The following ZP3 variants were observed in gnomAD, a reference collection of about 807,000 sequenced individuals.
ZP3 encodes zona pellucida sperm-binding protein 3.
In ZP3, 21 loss-of-function variants were observed where a neutral mutation model predicts 35.6. The ratio of observed to expected loss-of-function variants is 0.59; its 90% CI spans 0.42 to 0.85. The LOEUF is 0.85. ZP3 is among the 40% of genes least tolerant of loss of function. The pLI is 0.00. For synonymous variants in ZP3, 207 were observed against 214.5 expected (o/e 0.96, Z 0.31); for missense variants, 437 against 536.5 (o/e 0.81, Z 1.83).
intron 1 of ZP3, among the ~76,000 whole-genome samples, chr7:76,419,192 T>C (rs978890741): frequency 1.3e-5 from 2 of 152,218 alleles, no homozygotes; most frequent in Middle Eastern, 6.3e-3. Context: ...GAAAGTGGTC[T>C]AAAAAGTCAC....
upstream of ZP3, among the ~76,000 whole-genome samples, chr7:76,423,041 A>AAGAG (rs1563695508): frequency 8.7e-6 from 1 of 114,840 alleles, no homozygotes. Context: ...GAAAGAAAGA[A>AAGAG]AGAAAGAAAG....
At chr7:76,414,374 T>C (rs1389286888) in intron 1 of ZP3, among the ~76,000 whole-genome samples, 1 of 152,120 alleles carries the variant, frequency 6.6e-6, no homozygotes, top group African/African-American at 2.4e-5. Context: ...GATAAATGGA[T>C]TCTGACAAGT....
chr7:76,417,208 C>A (rs1033955819), intron 1 of ZP3, among the ~76,000 whole-genome samples: 1 of 151,948 alleles, frequency 6.6e-6, no homozygotes, highest in Non-Finnish European at 1.5e-5. Flanking sequence ...CAGGCATGCA[C>A]CACCATGCCC....
At chr7:76,407,826 G>A (rs1047905781) in intron 1 of ZP3, among the ~76,000 whole-genome samples, 4 of 152,182 alleles carry the variant, frequency 2.6e-5, no homozygotes, top group East Asian at 1.9e-4. Flanking sequence ...CCTCTCTCAC[G>A]TCCCCTTTTC....
chr7:76,416,816 C>CTATA (rs1554623880), intron 1 of ZP3, among the ~76,000 whole-genome samples: 3,897 of 143,690 alleles, frequency 0.027, 88 homozygotes, highest in Middle Eastern at 0.043. Context: ...CTCTCTCTCT[C>CTATA]TATATATATA....
upstream of ZP3, among the ~76,000 whole-genome samples, chr7:76,421,024 C>T (rs533580033): frequency 1.3e-5 from 2 of 151,950 alleles, no homozygotes; most frequent in Admixed American, 6.6e-5. Context: ...CAACCTCCAC[C>T]TCCCAGGTTC....
intron 5 of ZP3, chr7:76,439,889 C>A: frequency 8.5e-6 from 2 of 236,078 alleles, no homozygotes; most frequent in Non-Finnish European, 1.7e-5. Context: ...ACTCTGTCAG[C>A]CAGGCTGGGG....
intron 1 of ZP3, among the ~76,000 whole-genome samples, chr7:76,410,313 G>A (rs1805207721): frequency 6.6e-6 from 1 of 150,910 alleles, no homozygotes; most frequent in Non-Finnish European, 1.5e-5. Context: ...TTACAGGTGT[G>A]AGCCACCGCA....
Position 76,429,653 on chromosome 7 carries a change from A to G in ZP3, c.431+20A>G. The G allele has an allele frequency of 1.2e-6, 2 of 1,602,454 alleles. No homozygotes were observed. Among genetic ancestry groups the G allele is most frequent in the Non-Finnish European group, 1.7e-6 (2 of 1,170,136 alleles). On this transcript the variant is annotated intron_variant, in intron 2 of 7. Transcript: ENST00000394857. ...CCCCAGGTCGGTGTGGGACTGACTC[A>G]TGGCCCCTGGTGCAAAAGCCCCTTG...
rs188704513 is a variant in ZP3, at chr7:76,402,731, G to A, written c.-67+4934G>A. Among the ~76,000 whole-genome samples the A allele has an allele frequency of 8.5e-5, 13 of 152,106 alleles. No homozygotes were observed. In the East Asian group the frequency reaches 2.3e-3, roughly 27 times the overall value. ...GTTGCCCAGGCTAGAGTGCAATGGTGCCATCTTTGCTCACCGCAACCTCCC... is the reference window on the plus strand; with the variant it reads ...GTTGCCCAGGCTAGAGTGCAATGGTACCATCTTTGCTCACCGCAACCTCCC... On this transcript the variant is annotated intron_variant, in intron 1 of 8. Coordinates refer to the ZP3 transcript ENST00000336517.
At chr7:76,437,806 T>C (rs1307875246) in intron 5 of ZP3, among the ~76,000 whole-genome samples, 7 of 152,064 alleles carry the variant, frequency 4.6e-5, no homozygotes, top group African/African-American at 1.4e-4. Flanking sequence ...GCCTAGACCC[T>C]GCTTCTAAAA....
chr7:76,417,898 G>A (rs1458359929), intron 1 of ZP3, among the ~76,000 whole-genome samples: 1 of 151,262 alleles, frequency 6.6e-6, no homozygotes, highest in Non-Finnish European at 1.5e-5. Context: ...ACAGGCATGA[G>A]CCACCATGTC....
At position 76,403,959 on chromosome 7, in the gene ZP3, G is replaced by C. The variant is rs144003120; in HGVS notation, c.-67+6162G>C. Among the ~76,000 whole-genome samples the C allele has an allele frequency of 5.3e-3, 804 of 152,148 alleles. 3 individuals are homozygous for C. Among genetic ancestry groups the C allele is most frequent in the Middle Eastern group, 0.01 (3 of 294 alleles). On this transcript the variant is annotated intron_variant, in intron 1 of 8. Transcript: ENST00000336517. ...ATTGCAGGTGTGAGTCACCGAGCCC[G>C]GCCTTCTTCTTATGTTTGGATAGTC...
rs143512983 is a variant in ZP3, at chr7:76,427,223, T to C, written c.312+1947T>C. ...GTTTCCCAGTTTTGCCCGGTGAGAA[T>C]CACCTGCGGCTGGCCGTGCGCAGTG... On this transcript the variant is annotated intron_variant, in intron 1 of 7. Coordinates refer to ENST00000394857, the MANE Select transcript of ZP3 (RefSeq NM_001110354.2). 1.2e-4 allele frequency among the ~76,000 whole-genome samples: 18 copies of C among 152,136 alleles called. No homozygotes were observed. In the East Asian group the frequency reaches 3.3e-3, roughly 28 times the overall value.
chr7:76,401,145 C>T (rs1685371095), intron 1 of ZP3: 1 of 1,403,464 alleles, frequency 7.1e-7, no homozygotes, highest in Non-Finnish European at 9.4e-7. Context: ...ACATTACCCC[C>T]ATCTTCTTGG....
At chr7:76,424,327 A>G (rs918961604), upstream of ZP3, among the ~76,000 whole-genome samples, 1 of 152,186 alleles carries the variant, frequency 6.6e-6, no homozygotes, top group South Asian at 2.1e-4. Context: ...TTTACAAGCT[A>G]AAAACTTTCA....
At chr7:76,418,195 C>T (rs1805419907) in intron 1 of ZP3, among the ~76,000 whole-genome samples, 1 of 151,950 alleles carries the variant, frequency 6.6e-6, no homozygotes, top group African/African-American at 2.4e-5. Context: ...TCCCAAAGTG[C>T]TTGGATTATA....
At chr7:76,405,303 A>T (rs1158341279) in intron 1 of ZP3, among the ~76,000 whole-genome samples, 1,113 of 44,940 alleles carry the variant, frequency 0.025, 52 homozygotes, top group African/African-American at 0.052. Context: ...ATATATATAT[A>T]TATATATATA....
intron 1 of ZP3, among the ~76,000 whole-genome samples, chr7:76,402,804 G>A (rs1804874160): frequency 6.6e-6 from 1 of 152,048 alleles, no homozygotes; most frequent in African/African-American, 2.4e-5. Context: ...CAAGTAGCTG[G>A]GATTACAGGC....
Sources: gnomAD v4.1 joint callset for allele counts (sites outside exome capture counted in the v4.1 genomes callset) on GRCh38, gnomAD v4.1.1 for gene constraint, MANE v1.5 for transcripts, NCBI Gene and HGNC (gene_info 2026-07-23, HGNC 2026-07-21) for gene names.